The following PUDP variants were observed in gnomAD, a reference collection of about 807,000 sequenced individuals.
The protein encoded by PUDP is pseudouridine 5'-phosphatase, also known as pseudouridine-5'-phosphatase.
Under a neutral mutation model 9.4 loss-of-function variants are expected in PUDP, and 8 were observed. That is an observed-to-expected ratio of 0.85 (90% confidence interval 0.50 to 1.53). The LOEUF (loss-of-function observed/expected upper bound fraction) is 1.53. PUDP is among the 40% of genes most tolerant of loss of function. The probability of loss-of-function intolerance (pLI) is 0.00; values close to 1 mark genes in which losing one functional copy is unlikely to be tolerated. For missense variants in PUDP, 188 were observed against 189.7 expected (o/e 0.99, Z 0.05); for synonymous variants, 99 against 80.7 (o/e 1.23, Z -1.22).
intron 3 of PUDP, among the ~76,000 whole-genome samples, chrX:6,819,107 A>T (rs1301105336): frequency 8.9e-6 from 1 of 111,762 alleles, no homozygotes; most frequent in Non-Finnish European, 1.9e-5. Flanking sequence ...TACTCAAGTG[A>T]CACCACTTAA....
intron 3 of PUDP, among the ~76,000 whole-genome samples, chrX:6,899,759 T>C (rs1267003213): frequency 2.7e-5 from 3 of 110,811 alleles, no homozygotes; most frequent in Non-Finnish European, 5.7e-5. Flanking sequence ...TGATGAACTT[T>C]GTAAATTTGA....
At chrX:7,004,520 G>A (rs1450612938) in intron 1 of PUDP, among the ~76,000 whole-genome samples, 12 of 111,781 alleles carry the variant, frequency 1.1e-4, no homozygotes, top group Non-Finnish European at 2.1e-4. Context: ...CTCATTTCCC[G>A]AAATTTTCCA....
intron 3 of PUDP, among the ~76,000 whole-genome samples, chrX:6,758,289 C>T (rs909769560): frequency 1.2e-4 from 13 of 110,334 alleles, no homozygotes; most frequent in African/African-American, 3.0e-4. Flanking sequence ...AGGTGATACC[C>T]GGTCTCTACA....
At chrX:7,084,431 C>T (rs1166411011) in intron 2 of PUDP, among the ~76,000 whole-genome samples, 2 of 112,099 alleles carry the variant, frequency 1.8e-5, no homozygotes, top group East Asian at 2.8e-4. Context: ...CCTTGCAGTA[C>T]ATGTGTGCAG....
At chrX:6,780,719 G>A (rs1925546645) in intron 3 of PUDP, among the ~76,000 whole-genome samples, 1 of 110,821 alleles carries the variant, frequency 9.0e-6, no homozygotes, top group South Asian at 3.8e-4. Flanking sequence ...GAGGCTGGCT[G>A]GATAAACATG....
intron 3 of PUDP, among the ~76,000 whole-genome samples, chrX:7,058,983 C>T (rs1329718772): frequency 9.0e-6 from 1 of 111,272 alleles, no homozygotes; most frequent in Non-Finnish European, 1.9e-5. Context: ...TTTACTGAAT[C>T]GATAGTGCTC....
intron 3 of PUDP, among the ~76,000 whole-genome samples, chrX:6,776,382 A>C (rs751727050): frequency 1.6e-4 from 18 of 110,608 alleles, no homozygotes; most frequent in African/African-American, 5.9e-4. Context: ...AAATACAAAA[A>C]TTAGCCAGGC....
At position 6,969,675 on chromosome X, in the gene PUDP, G is replaced by A. The variant is rs749988376; in HGVS notation, c.*247+7458C>T. 1.8e-4 allele frequency among the ~76,000 whole-genome samples: 20 copies of A among 111,965 alleles called. No individual in the cohort carries two copies. In the South Asian group the frequency reaches 6.0e-3, roughly 34 times the overall value. On this transcript the variant is annotated intron_variant and NMD_transcript_variant, in intron 3 of 3. Coordinates refer to the PUDP transcript ENST00000655425. ...GAGGATCACTTGAGGCTGGGATTTC[G>A]AAACCAGCCTGAGCAACATAGAAAG...
At chrX:7,105,923 T>C in intron 1 of PUDP, 85 bp from the exon 2 acceptor site, 1 of 615,465 alleles carries the variant, frequency 1.6e-6, no homozygotes, top group Non-Finnish European at 2.5e-6. Context: ...ATACACTGTG[T>C]AGGTCTCATT....
chrX:6,910,497 A>T (rs915746820), intron 3 of PUDP, among the ~76,000 whole-genome samples: 11 of 111,516 alleles, frequency 9.9e-5, no homozygotes, highest in African/African-American at 2.9e-4. Context: ...GCTCTCTCAG[A>T]ATAGGATACA....
chrX:7,056,909 A>T (rs984310368), intron 3 of PUDP, among the ~76,000 whole-genome samples: 14 of 111,840 alleles, frequency 1.3e-4, no homozygotes, highest in African/African-American at 4.2e-4. Context: ...TGTTCTTTTC[A>T]CTCTACCCAG....
chrX:6,729,745 C>T (rs1223619073), intron 3 of PUDP, among the ~76,000 whole-genome samples: 2 of 111,572 alleles, frequency 1.8e-5, no homozygotes, highest in African/African-American at 6.5e-5. Context: ...CCAGGCTTAT[C>T]AGTACCAGCT....
downstream of PUDP, among the ~76,000 whole-genome samples, chrX:7,044,454 CAAGAA>C (rs1230638237): frequency 2.7e-5 from 3 of 112,424 alleles, no homozygotes; most frequent in Non-Finnish European, 5.6e-5. Flanking sequence ...CTCTAATTAC[CAAGAA>C]AAGTATTTCT....
intron 3 of PUDP, among the ~76,000 whole-genome samples, chrX:6,952,377 T>C (rs1928570283): frequency 8.9e-6 from 1 of 112,173 alleles, no homozygotes; most frequent in African/African-American, 3.2e-5. Flanking sequence ...CCAAAGCACA[T>C]TCGTCAAAAC....
At chrX:7,097,338 C>T (rs1295449810) in intron 2 of PUDP, among the ~76,000 whole-genome samples, 1 of 112,070 alleles carries the variant, frequency 8.9e-6, no homozygotes, top group Non-Finnish European at 1.9e-5. Context: ...AGCTTGGCTT[C>T]ATGCTGTATA....
At chrX:6,968,950 A>C (rs542419872) in intron 3 of PUDP, among the ~76,000 whole-genome samples, 2 of 111,960 alleles carry the variant, frequency 1.8e-5, no homozygotes, top group South Asian at 7.5e-4. Flanking sequence ...CCAAGGGCCT[A>C]GGCTTCATTG....
intron 3 of PUDP, among the ~76,000 whole-genome samples, chrX:6,777,400 C>T (rs1028202568): frequency 1.8e-5 from 2 of 111,824 alleles, no homozygotes; most frequent in Non-Finnish European, 3.8e-5. Context: ...CCAGAGGACT[C>T]CCCCAATAGA....
intron 3 of PUDP, among the ~76,000 whole-genome samples, chrX:6,973,752 A>C (rs769521439): frequency 9.0e-6 from 1 of 111,409 alleles, no homozygotes; most frequent in Non-Finnish European, 1.9e-5. Context: ...TCAAGTCCTG[A>C]ATATCCTTGT....
chrX:7,037,193 T>C (rs1399837028), intron 1 of PUDP, among the ~76,000 whole-genome samples: 1 of 111,885 alleles, frequency 8.9e-6, no homozygotes, highest in African/African-American at 3.2e-5. Flanking sequence ...CAGTCTGTTA[T>C]CTCTGGGATT....
Sources: allele counts gnomAD v4.1 joint callset (sites outside exome capture counted in the v4.1 genomes callset), GRCh38; gene constraint gnomAD v4.1.1; transcripts MANE v1.5; gene names NCBI Gene and HGNC (gene_info 2026-07-23, HGNC 2026-07-21).